Variants in MAP4K4 observed in about 807,000 individuals in gnomAD.
MAP4K4 encodes HPK/GCK-like kinase HGK.
In MAP4K4, 38 loss-of-function variants were observed where a neutral mutation model predicts 189.6. The ratio of observed to expected loss-of-function variants is 0.20; its 90% CI spans 0.15 to 0.26. The LOEUF (loss-of-function observed/expected upper bound fraction) is 0.26, where lower values mean the gene tolerates loss of function less well. Among genes scored for constraint, MAP4K4 ranks in the 10% least tolerant of loss-of-function variants. MAP4K4 has a pLI of 1.00. For missense variants in MAP4K4, 1,054 were observed against 1,726.9 expected (o/e 0.61, Z 6.91); for synonymous variants, 610 against 624.3 (o/e 0.98, Z 0.34).
intron 27 of MAP4K4, among the ~76,000 whole-genome samples, chr2:101,877,831 G>A (rs553100990): frequency 6.6e-6 from 1 of 151,952 alleles, no homozygotes; most frequent in Non-Finnish European, 1.5e-5. Flanking sequence ...CTCACTGCAA[G>A]CTCCGTCTCC....
intron 2 of MAP4K4, among the ~76,000 whole-genome samples, chr2:101,757,566 A>G: frequency 6.6e-6 from 1 of 152,206 alleles, no homozygotes; most frequent in East Asian, 1.9e-4. Context: ...TAAAAATAAC[A>G]CAGTCCCCCC....
chr2:101,733,333 A>G (rs968723557), intron 2 of MAP4K4, among the ~76,000 whole-genome samples: 3 of 152,214 alleles, frequency 2.0e-5, no homozygotes, highest in African/African-American at 7.2e-5. Flanking sequence ...GCACTGAGCA[A>G]AAGGCTGTTA....
At chr2:101,705,105 G>A (rs375543666) in intron 2 of MAP4K4, among the ~76,000 whole-genome samples, 3 of 152,102 alleles carry the variant, frequency 2.0e-5, no homozygotes, top group Admixed American at 6.5e-5. Flanking sequence ...AGGACATCCC[G>A]TTTTAAAAAC....
intron 2 of MAP4K4, among the ~76,000 whole-genome samples, chr2:101,714,257 C>T (rs368039450): frequency 7.9e-5 from 12 of 152,166 alleles, no homozygotes; most frequent in African/African-American, 2.9e-4. Context: ...AGAGGAACTA[C>T]CTGAACACAG....
chr2:101,698,879 T>C (rs2036371606), intron 2 of MAP4K4, among the ~76,000 whole-genome samples: 1 of 152,168 alleles, frequency 6.6e-6, no homozygotes. Context: ...TGTGTGTAAA[T>C]TGAAATACAG....
Position 101,797,208 on chromosome 2 carries a change from C to G in MAP4K4, c.180+6432C>G, listed in dbSNP as rs1177106153. ...GAACAAAAGGAAGGGAAGGAGAGAT[C>G]TCTGTGGCCTGTGGGACCTATTGTT... On this transcript the variant is annotated intron_variant, in intron 3 of 32. Transcript: ENST00000324219. 3.1e-6 allele frequency: 4 copies of G among 1,283,080 alleles called. No individual in the cohort carries two copies. In the African/African-American group the frequency reaches 6.1e-5, roughly 20 times the overall value. 79.5% of individuals were successfully genotyped at this position (1,283,080 alleles called of 1,614,324 possible). A position where few individuals can be genotyped will look rare whatever the true frequency, so the allele number is the denominator to read the frequency against.
intron 10 of MAP4K4, 97 bp downstream of exon 10, chr2:101,840,091 C>T (rs2096870919): frequency 5.8e-6 from 7 of 1,211,894 alleles, no homozygotes; most frequent in South Asian, 4.8e-5. Flanking sequence ...TGAGAGTGCT[C>T]ACTTGGCCAG....
chr2:101,773,211 C>A (rs1177860002), intron 2 of MAP4K4, among the ~76,000 whole-genome samples: 2 of 152,190 alleles, frequency 1.3e-5, no homozygotes, highest in Non-Finnish European at 2.9e-5. Flanking sequence ...GACCCTAAAT[C>A]AGTAGAGACT....
intron 2 of MAP4K4, among the ~76,000 whole-genome samples, chr2:101,757,550 A>C (rs2073527855): frequency 6.6e-6 from 1 of 152,186 alleles, no homozygotes; most frequent in Admixed American, 6.5e-5. Context: ...TAGATACATA[A>C]AATTTTAAAA....
chr2:101,855,683 G>A (rs966765077), intron 12 of MAP4K4, among the ~76,000 whole-genome samples: 1 of 152,080 alleles, frequency 6.6e-6, no homozygotes, highest in Non-Finnish European at 1.5e-5. Flanking sequence ...CACGAATAAA[G>A]AATTTTCTGT....
rs377134952 is a variant in MAP4K4 at position 101,793,266 on chromosome 2, C to T, written c.180+2490C>T. 1.3e-3 allele frequency among the ~76,000 whole-genome samples: 202 copies of T among 152,340 alleles called. 1 individual carries two copies. The highest frequency in any genetic ancestry group is 4.5e-3 in the African/African-American group (189 of 41,590). ...CCATATTGTCCATGTTTCTTGTGTG[C>T]TGTTTTCATACAGTGACCTTTGCTA... On this transcript the variant is annotated intron_variant, in intron 3 of 32. Coordinates refer to ENST00000324219, the Ensembl canonical transcript of MAP4K4.
At chr2:101,737,842 G>T (rs981817014) in intron 2 of MAP4K4, among the ~76,000 whole-genome samples, 3 of 151,828 alleles carry the variant, frequency 2.0e-5, no homozygotes, top group Admixed American at 6.6e-5. Context: ...CCTCACTTAG[G>T]CTCCTGTCAC....
At chr2:101,813,403 TTGG>T (rs1179296798) in intron 3 of MAP4K4, among the ~76,000 whole-genome samples, 3 of 152,302 alleles carry the variant, frequency 2.0e-5, no homozygotes, top group African/African-American at 4.8e-5. Flanking sequence ...GTGAGTGCCC[TTGG>T]TGGTCACTCT....
At chr2:101,838,907 A>G (rs138895218) in intron 9 of MAP4K4, among the ~76,000 whole-genome samples, 20 of 152,332 alleles carry the variant, frequency 1.3e-4, no homozygotes, top group African/African-American at 4.8e-4. Flanking sequence ...TGTGGCATGC[A>G]TGCCTAGTGT....
At chr2:101,733,059 C>G (rs1197123655) in intron 2 of MAP4K4, among the ~76,000 whole-genome samples, 1 of 152,236 alleles carries the variant, frequency 6.6e-6, no homozygotes, top group African/African-American at 2.4e-5. Flanking sequence ...CAGGTGGCTT[C>G]CAGGTCTGTA....
chr2:101,740,151 CTTTT>C (rs71250687), intron 2 of MAP4K4, among the ~76,000 whole-genome samples: 1 of 87,222 alleles, frequency 1.1e-5, no homozygotes, highest in Non-Finnish European at 1.8e-5. Flanking sequence ...TTTATATCAT[CTTTT>C]TTTTTTTTTT....
intron 5 of MAP4K4, among the ~76,000 whole-genome samples, chr2:101,825,786 T>C (rs1370914350): frequency 6.6e-6 from 1 of 152,234 alleles, no homozygotes; most frequent in Non-Finnish European, 1.5e-5. Context: ...TTTAAGCTTA[T>C]AAATCAATAC....
chr2:101,744,396 G>A (rs2064225834), intron 2 of MAP4K4, among the ~76,000 whole-genome samples: 2 of 152,158 alleles, frequency 1.3e-5, no homozygotes, highest in Non-Finnish European at 2.9e-5. Flanking sequence ...TTGTCCAAGT[G>A]CCCACTAGCC....
intron 2 of MAP4K4, among the ~76,000 whole-genome samples, chr2:101,711,176 A>G (rs185252976): frequency 4.1e-4 from 62 of 152,370 alleles, no homozygotes; most frequent in Non-Finnish European, 7.9e-4. Flanking sequence ...GCTGGTCCCC[A>G]CGACGTTAGG....
Sources: gnomAD v4.1 joint callset for allele counts (sites outside exome capture counted in the v4.1 genomes callset) on GRCh38, gnomAD v4.1.1 for gene constraint, MANE v1.5 for transcripts, NCBI Gene and HGNC (gene_info 2026-07-23, HGNC 2026-07-21) for gene names.